The following TTLL5 variants were observed in gnomAD, a reference collection of about 807,000 sequenced individuals.
TTLL5 encodes tubulin polyglutamylase TTLL5.
TTLL5 carries 132 observed loss-of-function variants against 168.4 expected under a neutral mutation model. The ratio of observed to expected loss-of-function variants is 0.78; its 90% CI spans 0.68 to 0.91. TTLL5 has a LOEUF of 0.91. TTLL5 is among the 40% of genes least tolerant of loss of function. TTLL5 has a pLI of 0.00. For synonymous variants in TTLL5, 546 were observed against 558.6 expected (o/e 0.98, Z 0.32); for missense variants, 1,545 against 1,581.5 (o/e 0.98, Z 0.39).
chr14:75,823,877 T>C lies in TTLL5; in HGVS notation c.3326+3716T>C, dbSNP rs149496440. ...CATTTTCGATGTCACCCTGTCCTTC[T>C]GCCCTCTTATTCAACAATAGATTAT... On this transcript the variant is annotated intron_variant, in intron 28 of 31. Transcript: ENST00000298832. 1.7e-3 allele frequency among the ~76,000 whole-genome samples: 262 copies of C among 152,350 alleles called. 1 individual carries two copies. Among genetic ancestry groups the C allele is most frequent in the Middle Eastern group, 3.4e-3 (1 of 294 alleles).
At chr14:75,824,452 G>A (rs953336117) in intron 28 of TTLL5, among the ~76,000 whole-genome samples, 5 of 145,680 alleles carry the variant, frequency 3.4e-5, no homozygotes, top group African/African-American at 1.3e-4. Flanking sequence ...TGAACCTTGA[G>A]GGTCGTATGC....
At chr14:75,676,910 A>G (rs1884206545) in intron 3 of TTLL5, among the ~76,000 whole-genome samples, 1 of 151,768 alleles carries the variant, frequency 6.6e-6, no homozygotes, top group African/African-American at 2.4e-5. Flanking sequence ...AGTAGCTTGG[A>G]CTAGAGACAT....
intron 29 of TTLL5, among the ~76,000 whole-genome samples, chr14:75,880,153 G>A (rs1002298527): frequency 3.3e-5 from 5 of 152,046 alleles, no homozygotes; most frequent in Non-Finnish European, 7.4e-5. Context: ...GAGAGAGAGA[G>A]AGTGTGTGTA....
intron 29 of TTLL5, among the ~76,000 whole-genome samples, chr14:75,879,749 A>G (rs1595196070): frequency 6.6e-6 from 1 of 152,010 alleles, no homozygotes; most frequent in Non-Finnish European, 1.5e-5. Context: ...TTTTCCATTT[A>G]CTCTGGGTCT....
intron 15 of TTLL5, among the ~76,000 whole-genome samples, chr14:75,743,336 C>T (rs1889382058): frequency 6.6e-6 from 1 of 152,138 alleles, no homozygotes; most frequent in Non-Finnish European, 1.5e-5. Context: ...ATATATTAGT[C>T]TGTTCAGGCT....
chr14:75,906,712 T>G, intron 31 of TTLL5: 2 of 985,818 alleles, frequency 2.0e-6, no homozygotes, highest in Non-Finnish European at 2.4e-6. Flanking sequence ...TTTTATCATT[T>G]TCACTTGCTG....
At chr14:75,872,692 C>T (rs1331571672) in intron 29 of TTLL5, among the ~76,000 whole-genome samples, 2 of 152,020 alleles carry the variant, frequency 1.3e-5, no homozygotes, top group Admixed American at 1.3e-4. Flanking sequence ...GATGAATCAC[C>T]TGAGATTGGG....
chr14:75,924,196 C>T (rs7159311), intron 31 of TTLL5, among the ~76,000 whole-genome samples: 120,675 of 151,466 alleles, frequency 0.8, 48,308 homozygotes, highest in African/African-American at 0.85. Context: ...TCGTGTCTTT[C>T]AATTGGGGCA....
intron 2 of TTLL5, among the ~76,000 whole-genome samples, chr14:75,663,424 A>G (rs947516139): frequency 5.9e-5 from 9 of 152,192 alleles, no homozygotes; most frequent in African/African-American, 1.4e-4. Flanking sequence ...CCTATCAGCT[A>G]TGAGAAATGA....
chr14:75,891,437 T>C (rs2140054276), intron 30 of TTLL5, among the ~76,000 whole-genome samples: 1 of 152,344 alleles, frequency 6.6e-6, no homozygotes, highest in South Asian at 2.1e-4. Context: ...CACATATATA[T>C]TGAATGTCTG....
chr14:75,798,094 A>G (rs1728245857), intron 27 of TTLL5, among the ~76,000 whole-genome samples: 2 of 151,954 alleles, frequency 1.3e-5, no homozygotes, highest in African/African-American at 2.4e-5. Context: ...TTTATTGGCA[A>G]TTTTTAAATT....
chr14:75,850,359 T>G (rs1651152245), intron 28 of TTLL5, among the ~76,000 whole-genome samples: 1 of 130,880 alleles, frequency 7.6e-6, no homozygotes, highest in South Asian at 2.3e-4. Flanking sequence ...TGAGCCAAGA[T>G]CACGCCATTG....
intron 15 of TTLL5, among the ~76,000 whole-genome samples, chr14:75,738,296 T>A (rs934241416): frequency 1.3e-5 from 2 of 152,210 alleles, no homozygotes; most frequent in African/African-American, 4.8e-5. Flanking sequence ...TGCTTTAGTA[T>A]GAGGGATATA....
chr14:75,789,686 A>C (rs1892579364), intron 26 of TTLL5, among the ~76,000 whole-genome samples: 1 of 152,218 alleles, frequency 6.6e-6, no homozygotes, highest in Non-Finnish European at 1.5e-5. Flanking sequence ...ATAAGACTAC[A>C]TTGAAAGACA....
intron 31 of TTLL5, among the ~76,000 whole-genome samples, chr14:75,943,758 G>A (rs2034685033): frequency 6.6e-6 from 1 of 152,164 alleles, no homozygotes; most frequent in Admixed American, 6.6e-5. Context: ...TAAGATAATT[G>A]AAATTGCCAA....
At chr14:75,742,496 A>C (rs1029733190) in intron 15 of TTLL5, among the ~76,000 whole-genome samples, 1 of 152,182 alleles carries the variant, frequency 6.6e-6, no homozygotes, top group Non-Finnish European at 1.5e-5. Flanking sequence ...CCAGGGTCCA[A>C]GCGATTCTCT....
chr14:75,728,182 C>A (rs1424904768), intron 12 of TTLL5, among the ~76,000 whole-genome samples: 2 of 151,836 alleles, frequency 1.3e-5, no homozygotes, highest in Non-Finnish European at 2.9e-5. Context: ...ATGGTAAAAC[C>A]CCATCTCTAC....
intron 27 of TTLL5, among the ~76,000 whole-genome samples, chr14:75,806,577 C>T (rs1893668877): frequency 6.6e-6 from 1 of 152,142 alleles, no homozygotes; most frequent in Non-Finnish European, 1.5e-5. Context: ...GAAAATGTTC[C>T]CCAGTTGCCA....
chr14:75,748,011 T>C (rs764940699), intron 17 of TTLL5, among the ~76,000 whole-genome samples: 2 of 152,220 alleles, frequency 1.3e-5, no homozygotes, highest in Non-Finnish European at 2.9e-5. Context: ...TCAGAGACAG[T>C]TGGGCTCTAT....
Sources: gnomAD v4.1 joint callset for allele counts (sites outside exome capture counted in the v4.1 genomes callset) on GRCh38, gnomAD v4.1.1 for gene constraint, MANE v1.5 for transcripts, NCBI Gene and HGNC (gene_info 2026-07-23, HGNC 2026-07-21) for gene names.